Variants in SYT1 observed in about 807,000 individuals in gnomAD.
SYT1 encodes synaptotagmin 1.
SYT1 carries 8 observed loss-of-function variants against 44.8 expected under a neutral mutation model. That is an observed-to-expected ratio of 0.18 (90% CI 0.10 to 0.32). The LOEUF (loss-of-function observed/expected upper bound fraction) is 0.32. Ranked by LOEUF, SYT1 falls within the 10% of genes least tolerant of loss-of-function variation. The probability of loss-of-function intolerance (pLI) is 1.00; values close to 1 mark genes in which losing one functional copy is unlikely to be tolerated. For synonymous variants in SYT1, 154 were observed against 188.8 expected (o/e 0.82, Z 1.51); for missense variants, 286 against 509.3 (o/e 0.56, Z 4.22).
intron 4 of SYT1, among the ~76,000 whole-genome samples, chr12:79,273,548 A>G: frequency 6.6e-6 from 1 of 152,170 alleles, no homozygotes; most frequent in African/African-American, 2.4e-5. Context: ...AGAGACCATC[A>G]CCATGATTCT....
chr12:79,344,137 A>T (rs1422130700), intron 8 of SYT1, among the ~76,000 whole-genome samples: 2 of 152,226 alleles, frequency 1.3e-5, no homozygotes, highest in Non-Finnish European at 2.9e-5. Context: ...ATGGTTAAGC[A>T]GTTGACCACA....
intron 2 of SYT1, among the ~76,000 whole-genome samples, chr12:79,004,335 A>T (rs1006482498): frequency 6.6e-6 from 1 of 151,910 alleles, no homozygotes; most frequent in Non-Finnish European, 1.5e-5. Context: ...ATTCTCACTG[A>T]CTTCTCTTAT....
chr12:78,908,023 T>C (rs879405310), intron 1 of SYT1, among the ~76,000 whole-genome samples: 1 of 151,998 alleles, frequency 6.6e-6, no homozygotes, highest in Non-Finnish European at 1.5e-5. Flanking sequence ...ACACTGAAAG[T>C]ATGCAAATTT....
chr12:79,444,335 C>A, intron 10 of SYT1, 129 bp downstream of exon 10: 1 of 1,147,548 alleles, frequency 8.7e-7, no homozygotes, highest in Non-Finnish European at 1.2e-6. Flanking sequence ...TCTCCCCATG[C>A]ACATTTGATG....
At chr12:79,158,186 A>G (rs538577137) in intron 3 of SYT1, among the ~76,000 whole-genome samples, 4 of 152,214 alleles carry the variant, frequency 2.6e-5, no homozygotes, top group African/African-American at 9.6e-5. Context: ...ACTCACTATC[A>G]TGTAGAATCA....
intron 9 of SYT1, among the ~76,000 whole-genome samples, chr12:79,401,957 C>A (rs867095549): frequency 6.6e-6 from 1 of 152,106 alleles, no homozygotes; most frequent in African/African-American, 2.4e-5. Context: ...GCATAAGCCA[C>A]CAAAACTCAA....
intron 1 of SYT1, among the ~76,000 whole-genome samples, chr12:78,927,469 C>T (rs1279207304): frequency 1.3e-5 from 2 of 151,996 alleles, no homozygotes; most frequent in African/African-American, 2.4e-5. Context: ...TTGTGTCTTC[C>T]GTGCGTTATG....
At chr12:79,249,174 G>C (rs896030881) in intron 4 of SYT1, among the ~76,000 whole-genome samples, 2 of 128,824 alleles carry the variant, frequency 1.6e-5, no homozygotes, top group African/African-American at 5.8e-5. Flanking sequence ...GCGCAATCTC[G>C]GCTCACTGCA....
intron 2 of SYT1, among the ~76,000 whole-genome samples, chr12:79,046,633 A>G (rs1874082894): frequency 6.6e-6 from 1 of 151,836 alleles, no homozygotes; most frequent in Non-Finnish European, 1.5e-5. Context: ...ACGTGCAATC[A>G]TTTTTCTCTT....
chr12:79,414,665 C>T (rs1157996279), intron 9 of SYT1, among the ~76,000 whole-genome samples: 1 of 152,114 alleles, frequency 6.6e-6, no homozygotes, highest in African/African-American at 2.4e-5. Context: ...CCTCTTTCTT[C>T]TTGGCATCAA....
intron 3 of SYT1, among the ~76,000 whole-genome samples, chr12:79,057,971 A>T (rs1003330970): frequency 6.6e-6 from 1 of 152,090 alleles, no homozygotes; most frequent in African/African-American, 2.4e-5. Context: ...CAACAAAATA[A>T]TTATTTGAAT....
At position 79,451,422 on chromosome 12, in the gene SYT1, C is replaced by A. The variant is rs1428066962; in HGVS notation, c.*2298C>A. On this transcript the variant is annotated 3_prime_UTR_variant, in exon 11 of 11. Coordinates refer to ENST00000261205, the MANE Select transcript of SYT1 (RefSeq NM_005639.3). ...CTGGCTTTTAAAAAGTATTTAAATA[C>A]CACAAATGACATTTAATTTCACTGT... 1 of 152,166 alleles carries A rather than the reference C, an allele frequency of 6.6e-6. No homozygotes were observed. The highest frequency in any genetic ancestry group is 1.9e-4 in the East Asian group (1 of 5,198). 9.4% of individuals were successfully genotyped at this position (152,166 alleles called of 1,614,324 possible).
chr12:79,085,355 A>G (rs1877310815), intron 3 of SYT1, among the ~76,000 whole-genome samples: 1 of 152,084 alleles, frequency 6.6e-6, no homozygotes, highest in South Asian at 2.1e-4. Flanking sequence ...CAGATTTTGG[A>G]TTTTTGTGTT....
At position 79,028,363 on chromosome 12, in the gene SYT1, ACTAAT is replaced by A. The variant is rs537164381; in HGVS notation, c.-83-18928_-83-18924del. 3.3e-3 allele frequency among the ~76,000 whole-genome samples: 502 copies of A among 151,582 alleles called. 4 individuals carry two copies. Among genetic ancestry groups the A allele is most frequent in the Middle Eastern group, 0.01 (3 of 294 alleles). On this transcript the variant is annotated intron_variant, in intron 2 of 10. Coordinates refer to ENST00000261205, the MANE Select transcript of SYT1 (RefSeq NM_005639.3). ...TGCTGCAGAATAATGCATGTTGCTG[ACTAAT>A]CTAATACTATAGAAGTTCAAAATTC... is the stretch of plus-strand genomic sequence containing the variant.
At chr12:79,030,157 A>T (rs1219337489) in intron 2 of SYT1, among the ~76,000 whole-genome samples, 1 of 151,196 alleles carries the variant, frequency 6.6e-6, no homozygotes. Context: ...TAAATGAAAC[A>T]TTACCTGATC....
intron 4 of SYT1, among the ~76,000 whole-genome samples, chr12:79,236,050 T>G (rs1224934533): frequency 2.6e-5 from 4 of 152,188 alleles, no homozygotes; most frequent in Admixed American, 2.0e-4. Context: ...TTTCCTAATT[T>G]TCTGTCCTCT....
chr12:79,446,034 T>TATATATATATA (rs1491131045), intron 10 of SYT1, among the ~76,000 whole-genome samples: 5 of 115,560 alleles, frequency 4.3e-5, no homozygotes, highest in Non-Finnish European at 8.8e-5. Flanking sequence ...TATATATATA[T>TATATATATATA]TATGCCTAGG....
intron 8 of SYT1, among the ~76,000 whole-genome samples, chr12:79,317,567 G>C (rs1035480466): frequency 3.3e-5 from 5 of 152,120 alleles, no homozygotes; most frequent in African/African-American, 4.8e-5. Flanking sequence ...GAGAACCCGG[G>C]GCACACAAAC....
At chr12:79,027,184 C>T (rs1052245864) in intron 2 of SYT1, among the ~76,000 whole-genome samples, 1 of 151,574 alleles carries the variant, frequency 6.6e-6, no homozygotes, top group African/African-American at 2.4e-5. Flanking sequence ...CCTGGATCCT[C>T]AGCTGAATGT....
Sources: allele counts gnomAD v4.1 joint callset (sites outside exome capture counted in the v4.1 genomes callset), GRCh38; gene constraint gnomAD v4.1.1; transcripts MANE v1.5; gene names NCBI Gene and HGNC (gene_info 2026-07-23, HGNC 2026-07-21).